CEP128: variants seen among roughly 807,000 people sequenced by gnomAD.
CEP128 encodes centrosomal protein 128, also known as centrosomal protein 128kDa.
Under a neutral mutation model 156.7 loss-of-function variants are expected in CEP128, and 132 were observed. The ratio of observed to expected loss-of-function variants is 0.84; its 90% confidence interval spans 0.73 to 0.97. The LOEUF (loss-of-function observed/expected upper bound fraction) is 0.97. CEP128 is among the 50% of genes least tolerant of loss of function. The pLI is 0.00. For synonymous variants in CEP128, 469 were observed against 448.9 expected, an observed-to-expected ratio of 1.04 and a Z score of -0.57; for missense variants, 1,252 against 1,281.9, an observed-to-expected ratio of 0.98 and a Z score of 0.36.
chr14:80,618,494 T>C (rs1321190436), intron 19 of CEP128, among the ~76,000 whole-genome samples: 1 of 152,204 alleles, frequency 6.6e-6, no homozygotes, highest in Non-Finnish European at 1.5e-5. Context: ...AAATACATAG[T>C]TGAATTCACA....
rs57402112 is a variant in CEP128, at chr14:80,596,819, C to CAAAAAAAAAAAAA, written c.2807-16409_2807-16397dup. 5.0e-4 allele frequency among the ~76,000 whole-genome samples: 7 copies of CAAAAAAAAAAAAA among 14,050 alleles called. 2 individuals are homozygous for CAAAAAAAAAAAAA. The highest frequency in any genetic ancestry group is 2.6e-3 in the African/African-American group (6 of 2,272). The allele number at this position is 14,050 out of a possible 152,430, so 9.2% of individuals were successfully genotyped here. A position where few individuals can be genotyped will look rare whatever the true frequency, so the allele number is the denominator to read the frequency against. On this transcript the variant is annotated intron_variant, in intron 19 of 24. Transcript: ENST00000555265. Reference sequence around the variant, plus strand: ...TCTGAGTAACAGTGAGACACTGTCACAAAAAAAAAAAAAAAAAAAAAAAGG... The same window carrying CAAAAAAAAAAAAA: ...TCTGAGTAACAGTGAGACACTGTCACAAAAAAAAAAAAAAAAAAAAAAAAAAAAAAAAAAAAGG...
intron 21 of CEP128, among the ~76,000 whole-genome samples, chr14:80,557,021 C>A (rs1383780265): frequency 1.3e-5 from 2 of 152,118 alleles, no homozygotes; most frequent in Non-Finnish European, 2.9e-5. Context: ...TATTTATAAT[C>A]ATTTCAAATT....
chr14:80,743,370 A>C, intron 18 of CEP128, 103 bp from the exon 19 acceptor site: 1 of 1,015,702 alleles, frequency 9.8e-7, no homozygotes. Context: ...ACAAATATAG[A>C]TAATTACCAA....
At chr14:80,871,372 G>C (rs1382275762) in intron 8 of CEP128, among the ~76,000 whole-genome samples, 1 of 152,086 alleles carries the variant, frequency 6.6e-6, no homozygotes, top group East Asian at 1.9e-4. Flanking sequence ...AGTATTAGAA[G>C]TAGATGGAAT....
chr14:80,681,862 G>T (rs943731532), intron 19 of CEP128, among the ~76,000 whole-genome samples: 4 of 152,162 alleles, frequency 2.6e-5, no homozygotes, highest in African/African-American at 9.7e-5. Context: ...CCAGCACACT[G>T]GGAGGCCAAG....
intron 23 of CEP128, among the ~76,000 whole-genome samples, chr14:80,507,873 A>G (rs180869747): frequency 4.6e-5 from 7 of 152,348 alleles, no homozygotes; most frequent in South Asian, 2.1e-4. Context: ...GCATCAAAGC[A>G]TTGGTTATAT....
intron 19 of CEP128, among the ~76,000 whole-genome samples, chr14:80,672,888 A>T (rs1895900979): frequency 6.6e-6 from 1 of 152,202 alleles, no homozygotes. Context: ...AATTTGTGAA[A>T]TTGAATTAAG....
chr14:80,564,607 C>T (rs2140388892), intron 20 of CEP128, among the ~76,000 whole-genome samples: 1 of 152,290 alleles, frequency 6.6e-6, no homozygotes, highest in Middle Eastern at 3.4e-3. Flanking sequence ...CTGAAGCTGT[C>T]CTTGTTCACT....
downstream of CEP128, among the ~76,000 whole-genome samples, chr14:80,489,247 T>C (rs1315128115): frequency 7.5e-6 from 1 of 132,810 alleles, no homozygotes; most frequent in Non-Finnish European, 1.6e-5. Flanking sequence ...AATAAACATA[T>C]GGTTAAATAT....
intron 20 of CEP128, among the ~76,000 whole-genome samples, chr14:80,572,141 AT>A (rs1325010931): frequency 6.6e-6 from 1 of 152,170 alleles, no homozygotes; most frequent in Non-Finnish European, 1.5e-5. Context: ...CTAAATAAGT[AT>A]TTGTTAGTAG....
chr14:80,608,679 T>C (rs536833392), intron 19 of CEP128, among the ~76,000 whole-genome samples: 11 of 152,106 alleles, frequency 7.2e-5, no homozygotes, highest in African/African-American at 2.4e-4. Flanking sequence ...TAAATCTACA[T>C]CTGTTTCTTC....
chr14:80,632,888 T>G (rs1894020687), intron 19 of CEP128, among the ~76,000 whole-genome samples: 1 of 152,150 alleles, frequency 6.6e-6, no homozygotes, highest in South Asian at 2.1e-4. Flanking sequence ...GCACTAAGAA[T>G]GAGTGAAAGG....
Position 80,701,660 on chromosome 14 carries a change from T to A in CEP128, c.2806+41415A>T, listed in dbSNP as rs184193738. 3.9e-5 allele frequency among the ~76,000 whole-genome samples: 6 copies of A among 152,280 alleles called. No homozygotes were observed. The East Asian group carries it at 1.2e-3, about 29-fold the overall frequency. On this transcript the variant is annotated intron_variant, in intron 19 of 24. Coordinates refer to ENST00000555265, the MANE Select transcript of CEP128 (RefSeq NM_152446.5). ...TTGAAATTTTAAACTAATTCCAACG[T>A]TTAGTTCACTTTTTCCTACTAATTT...
In CEP128 at chr14:80,559,278, C is replaced by T; in HGVS notation, c.2880+1G>A. On this transcript the variant is annotated splice_donor_variant, in intron 21 of 24. Transcript: ENST00000555265. LOFTEE classifies it high-confidence loss of function. The stretch of plus-strand genomic sequence containing the variant: ...AGGAGAAAGAAAATGCCCCAACTTA[C>T]CGTTTCTAATGCAATTACACGGTCC... 1 of 1,604,706 alleles carries T rather than the reference C, an allele frequency of 6.2e-7. No homozygotes were observed. The highest frequency in any genetic ancestry group is 1.3e-5 in the African/African-American group (1 of 74,478).
chr14:80,953,303 C>T (rs932833976), intron 2 of CEP128, among the ~76,000 whole-genome samples: 3 of 152,152 alleles, frequency 2.0e-5, no homozygotes, highest in African/African-American at 4.8e-5. Context: ...ATGATAAACA[C>T]GGCCGGGCAC....
chr14:80,879,708 T>C (rs1888441300), intron 8 of CEP128, among the ~76,000 whole-genome samples: 1 of 152,088 alleles, frequency 6.6e-6, no homozygotes, highest in African/African-American at 2.4e-5. Context: ...CAAACAAATG[T>C]TCACATTATG....
chr14:80,831,225 G>GC lies in CEP128; in HGVS notation c.1126dup (p.Ala376GlyfsTer5). The GC allele has an allele frequency of 6.2e-7, 1 of 1,613,792 alleles. No individual in the cohort carries two copies. Among genetic ancestry groups the GC allele is most frequent in the Non-Finnish European group, 8.5e-7 (1 of 1,179,804 alleles). On this transcript the variant is annotated frameshift_variant, in exon 13 of 25. Transcript: ENST00000555265. LOFTEE classifies it high-confidence loss of function. Reference sequence around the variant, plus strand: ...CACTTCCTCTAACTCAGATGCCATTGCGCTGAAGTTCAGCTGCACTCTCAA... The same window carrying GC: ...CACTTCCTCTAACTCAGATGCCATTGCCGCTGAAGTTCAGCTGCACTCTCAA...
At chr14:80,786,376 C>T (rs1046550900) in intron 14 of CEP128, among the ~76,000 whole-genome samples, 23 of 152,206 alleles carry the variant, frequency 1.5e-4, no homozygotes, top group Non-Finnish European at 2.8e-4. Flanking sequence ...CCAATTAAGA[C>T]TCATTTCAGA....
At chr14:80,647,399 A>AT (rs921804329) in intron 19 of CEP128, among the ~76,000 whole-genome samples, 1 of 151,320 alleles carries the variant, frequency 6.6e-6, no homozygotes, top group Non-Finnish European at 1.5e-5. Context: ...TAGTCTAATA[A>AT]TTTTTTTTCT....
Sources: allele counts gnomAD v4.1 joint callset (sites outside exome capture counted in the v4.1 genomes callset), GRCh38; gene constraint gnomAD v4.1.1; transcripts MANE v1.5; gene names NCBI Gene and HGNC (gene_info 2026-07-23, HGNC 2026-07-21).